The following NRG3 variants were observed in gnomAD, a reference collection of about 807,000 sequenced individuals.
NRG3 encodes pro-neuregulin-3, membrane-bound isoform.
NRG3 carries 31 observed loss-of-function variants against 66.9 expected under a neutral mutation model. The ratio of observed to expected loss-of-function variants is 0.46; its 90% CI spans 0.35 to 0.63. The LOEUF is 0.63. Ranked by LOEUF, NRG3 falls within the 20% of genes least tolerant of loss-of-function variation. The pLI is 0.00. For missense variants in NRG3, 910 were observed against 878.9 expected, an observed-to-expected ratio of 1.04 and a Z score of -0.45; for synonymous variants, 393 against 359.4, an observed-to-expected ratio of 1.09 and a Z score of -1.06.
chr10:82,446,127 A>T (rs2090708426), intron 2 of NRG3, among the ~76,000 whole-genome samples: 1 of 151,978 alleles, frequency 6.6e-6, no homozygotes, highest in Non-Finnish European at 1.5e-5. Flanking sequence ...ATCCAAGGAA[A>T]CTCCCTTCAC....
intron 3 of NRG3, among the ~76,000 whole-genome samples, chr10:82,840,143 GT>G (rs1368494915): frequency 1.3e-5 from 2 of 152,120 alleles, no homozygotes; most frequent in Non-Finnish European, 2.9e-5. Flanking sequence ...CACAAAAAGT[GT>G]TTGATAAATT....
intron 3 of NRG3, among the ~76,000 whole-genome samples, chr10:82,810,032 T>C (rs531259084): frequency 1.3e-5 from 2 of 152,250 alleles, no homozygotes; most frequent in South Asian, 4.1e-4. Context: ...CTTATTGATA[T>C]ATATAGGATA....
chr10:82,401,269 A>G (rs543139147), intron 2 of NRG3, among the ~76,000 whole-genome samples: 2 of 152,276 alleles, frequency 1.3e-5, no homozygotes, highest in South Asian at 4.1e-4. Flanking sequence ...CATATGCAAT[A>G]TAAATCTATA....
At chr10:82,319,540 C>G (rs866970195) in intron 1 of NRG3, among the ~76,000 whole-genome samples, 4 of 152,168 alleles carry the variant, frequency 2.6e-5, no homozygotes, top group Non-Finnish European at 4.4e-5. Flanking sequence ...TTCCCTTGTT[C>G]TTTGAATGCC....
chr10:82,722,526 T>C (rs188816434), intron 2 of NRG3, among the ~76,000 whole-genome samples: 4 of 152,120 alleles, frequency 2.6e-5, no homozygotes, highest in Non-Finnish European at 5.9e-5. Context: ...TGCAAAAAAA[T>C]ATAGATGTGG....
rs775872266 is a variant in NRG3 at position 82,982,166 on chromosome 10, C to A, written c.1584-2932C>A. Reference sequence around the variant, plus strand: ...CTAATTTTATGGCTTCAGAGGGAAGCGTGGATGCCTTCAAAATAGTCTGTT... The same window carrying A: ...CTAATTTTATGGCTTCAGAGGGAAGAGTGGATGCCTTCAAAATAGTCTGTT... On this transcript the variant is annotated intron_variant, in intron 8 of 8. Transcript: ENST00000372141. Among the ~76,000 whole-genome samples, 3 of 152,144 alleles carry A rather than the reference C, an allele frequency of 2.0e-5. No individual in the cohort carries two copies. In the South Asian group the frequency reaches 6.2e-4, roughly 32 times the overall value.
chr10:82,888,324 A>G (rs995183114), intron 4 of NRG3, among the ~76,000 whole-genome samples: 1 of 152,214 alleles, frequency 6.6e-6, no homozygotes, highest in African/African-American at 2.4e-5. Flanking sequence ...GCATGACAGA[A>G]TTCCATGATC....
chr10:82,199,359 C>CAATT (rs2074646109), intron 1 of NRG3, among the ~76,000 whole-genome samples: 1 of 151,946 alleles, frequency 6.6e-6, no homozygotes, highest in Non-Finnish European at 1.5e-5. Context: ...AGCTTCTCTC[C>CAATT]CTGCACTCTA....
At chr10:82,976,781 C>G (rs1227652338) in intron 7 of NRG3, among the ~76,000 whole-genome samples, 1 of 152,104 alleles carries the variant, frequency 6.6e-6, no homozygotes, top group East Asian at 1.9e-4. Context: ...CCCTTCCTCC[C>G]TGCTTGGTTG....
intron 3 of NRG3, among the ~76,000 whole-genome samples, chr10:82,838,459 T>G (rs183238427): frequency 4.6e-5 from 7 of 152,212 alleles, no homozygotes; most frequent in Admixed American, 4.6e-4. Context: ...CATAGAGAAG[T>G]TTAATTTGAA....
chr10:82,308,460 T>A (rs1795464021), intron 1 of NRG3, among the ~76,000 whole-genome samples: 1 of 152,082 alleles, frequency 6.6e-6, no homozygotes, highest in East Asian at 1.9e-4. Context: ...CCCGTATGGC[T>A]TCTACTTGAT....
In NRG3 at chr10:82,266,028, T is replaced by C. The variant is rs150138766; in HGVS notation, c.824-92711T>C. On this transcript the variant is annotated intron_variant, in intron 1 of 8. Coordinates refer to ENST00000372141, the MANE Select transcript of NRG3 (RefSeq NM_001010848.4). ...TTCTCTTCAAGAAGGGAAGGACATA[T>C]TCAGAGATGAGATTTTCATGATGGC... is the stretch of plus-strand genomic sequence containing the variant. Among the ~76,000 whole-genome samples, 786 of 152,220 alleles carry C rather than the reference T, an allele frequency of 5.2e-3. 3 individuals are homozygous for C. The highest frequency in any genetic ancestry group is 0.01 in the Middle Eastern group (3 of 294).
intron 1 of NRG3, among the ~76,000 whole-genome samples, chr10:82,298,212 A>G (rs1270098088): frequency 7.1e-6 from 1 of 140,170 alleles, no homozygotes; most frequent in Non-Finnish European, 1.6e-5. Context: ...GCAGGAAGGA[A>G]GGAAAGAAGG....
At chr10:82,664,341 T>C (rs1249174888) in intron 2 of NRG3, among the ~76,000 whole-genome samples, 2 of 152,192 alleles carry the variant, frequency 1.3e-5, no homozygotes, top group African/African-American at 4.8e-5. Flanking sequence ...GTAGATATCC[T>C]GCCAATAAAT....
chr10:82,526,468 A>G (rs942928570), intron 2 of NRG3, among the ~76,000 whole-genome samples: 1 of 151,896 alleles, frequency 6.6e-6, no homozygotes, highest in Non-Finnish European at 1.5e-5. Flanking sequence ...GAACATGTAT[A>G]TTCTGTTTAT....
At chr10:82,064,490 G>T (rs1042587529) in intron 1 of NRG3, among the ~76,000 whole-genome samples, 9 of 152,064 alleles carry the variant, frequency 5.9e-5, no homozygotes, top group Non-Finnish European at 1.2e-4. Context: ...CTAGGAGATG[G>T]TGGAAAAATG....
At chr10:82,738,461 T>C (rs150895880) in intron 2 of NRG3, 116 bp from the exon 3 acceptor site, 811 of 803,302 alleles carry the variant, frequency 1.0e-3, no homozygotes, top group Non-Finnish European at 1.6e-3. Flanking sequence ...TCAAAAAATA[T>C]GAAAGCATGA....
chr10:82,293,633 T>C (rs2079869237), intron 1 of NRG3, among the ~76,000 whole-genome samples: 1 of 152,202 alleles, frequency 6.6e-6, no homozygotes. Flanking sequence ...GGGGTCATTA[T>C]ATATGATTGT....
intron 3 of NRG3, among the ~76,000 whole-genome samples, chr10:82,776,183 C>A (rs997480183): frequency 6.6e-6 from 1 of 152,106 alleles, no homozygotes; most frequent in Non-Finnish European, 1.5e-5. Context: ...TTTTGAAGAA[C>A]AGCTTTATTG....
Sources: allele counts gnomAD v4.1 joint callset (sites outside exome capture counted in the v4.1 genomes callset), GRCh38; gene constraint gnomAD v4.1.1; transcripts MANE v1.5; gene names NCBI Gene and HGNC (gene_info 2026-07-23, HGNC 2026-07-21).